TENM4: variants seen among roughly 807,000 people sequenced by gnomAD.
The protein encoded by TENM4 is teneurin transmembrane protein 4.
In TENM4, 82 loss-of-function variants were observed where a neutral mutation model predicts 243.3. The observed-to-expected ratio is 0.34, with a 90% CI of 0.28 to 0.40. The LOEUF is 0.40. Ranked by LOEUF, TENM4 falls within the 10% of genes least tolerant of loss-of-function variation. The pLI is 1.00. For synonymous variants in TENM4, 1,412 were observed against 1,456.3 expected, an observed-to-expected ratio of 0.97 and a Z score of 0.69; for missense variants, 3,138 against 3,673.3, an observed-to-expected ratio of 0.85 and a Z score of 3.77.
intron 1 of TENM4, among the ~76,000 whole-genome samples, chr11:79,350,733 C>T (rs149462240): frequency 6.6e-6 from 1 of 152,088 alleles, no homozygotes; most frequent in Non-Finnish European, 1.5e-5. Context: ...AGTCACCACT[C>T]CTGGCCCTGT....
At chr11:78,923,773 C>T (rs1371028249) in intron 6 of TENM4, among the ~76,000 whole-genome samples, 1 of 140,092 alleles carries the variant, frequency 7.1e-6, no homozygotes, top group African/African-American at 2.6e-5. Flanking sequence ...CTCCTGACCT[C>T]AAGTGATCTG....
chr11:79,169,783 C>A (rs749958765), intron 3 of TENM4, among the ~76,000 whole-genome samples: 3 of 152,210 alleles, frequency 2.0e-5, no homozygotes, highest in Non-Finnish European at 2.9e-5. Flanking sequence ...AAAAGCCAAA[C>A]AGGTTTTGAG....
At chr11:79,352,489 C>CT (rs1857430329) in intron 1 of TENM4, among the ~76,000 whole-genome samples, 1 of 152,254 alleles carries the variant, frequency 6.6e-6, no homozygotes, top group Non-Finnish European at 1.5e-5. Flanking sequence ...ACACCACTGC[C>CT]TGGGTGACAT....
At chr11:78,943,648 G>A (rs1856950637) in intron 6 of TENM4, among the ~76,000 whole-genome samples, 1 of 152,118 alleles carries the variant, frequency 6.6e-6, no homozygotes, top group African/African-American at 2.4e-5. Flanking sequence ...GTAGGGAAAT[G>A]TACCTAGATC....
At chr11:78,883,256 T>G (rs556353140) in intron 9 of TENM4, among the ~76,000 whole-genome samples, 3 of 147,636 alleles carry the variant, frequency 2.0e-5, no homozygotes, top group African/African-American at 8.0e-5. Context: ...TCCTCCCACT[T>G]TGCGTTTTTC....
chr11:78,677,628 T>C (rs1436952026), intron 29 of TENM4, among the ~76,000 whole-genome samples: 1 of 149,366 alleles, frequency 6.7e-6, no homozygotes, highest in East Asian at 1.9e-4. Flanking sequence ...AAAATAACTT[T>C]GACACTTAAA....
intron 4 of TENM4, among the ~76,000 whole-genome samples, chr11:79,087,801 C>T (rs1030868588): frequency 1.3e-5 from 2 of 152,180 alleles, no homozygotes; most frequent in Non-Finnish European, 2.9e-5. Flanking sequence ...CTGAGGAGGC[C>T]CTGTTTGCCT....
intron 1 of TENM4, among the ~76,000 whole-genome samples, chr11:79,354,254 A>G (rs984843576): frequency 1.3e-4 from 20 of 152,230 alleles, no homozygotes; most frequent in African/African-American, 4.8e-4. Context: ...CCAGGACAGG[A>G]CACGGAGATC....
At chr11:79,163,922 CCATATATAT>C (rs1242272623) in intron 3 of TENM4, among the ~76,000 whole-genome samples, 1 of 137,822 alleles carries the variant, frequency 7.3e-6, no homozygotes, top group Non-Finnish European at 1.5e-5. Context: ...AGGTATATAT[CCATATATAT>C]CATATATATC....
chr11:79,252,382 T>C (rs998000195), intron 2 of TENM4, among the ~76,000 whole-genome samples: 1 of 152,108 alleles, frequency 6.6e-6, no homozygotes, highest in Non-Finnish European at 1.5e-5. Context: ...TTACAGGCGC[T>C]CACCACCACA....
intron 11 of TENM4, 27 bp downstream of exon 11, chr11:78,855,937 C>T: frequency 1.3e-6 from 2 of 1,548,452 alleles, no homozygotes; most frequent in Non-Finnish European, 1.7e-6. Flanking sequence ...CCATGCAGAT[C>T]AACAGGGTAT....
chr11:78,879,832 G>A (rs1859382601), intron 9 of TENM4, among the ~76,000 whole-genome samples: 1 of 151,462 alleles, frequency 6.6e-6, no homozygotes, highest in Non-Finnish European at 1.5e-5. Context: ...GAGGTGAGGA[G>A]CACCTCTGCC....
At chr11:78,671,781 T>A (rs1489592966) in intron 31 of TENM4, among the ~76,000 whole-genome samples, 1 of 152,138 alleles carries the variant, frequency 6.6e-6, no homozygotes. Context: ...ATCCAGTGAG[T>A]ATTTGGGCCT....
chr11:79,123,500 A>G (rs1050877524), intron 4 of TENM4, among the ~76,000 whole-genome samples: 1 of 152,170 alleles, frequency 6.6e-6, no homozygotes, highest in Admixed American at 6.5e-5. Flanking sequence ...TTAAACTGCC[A>G]AAAGTACACT....
intron 14 of TENM4, among the ~76,000 whole-genome samples, 192 bp downstream of exon 14, chr11:78,811,930 A>T (rs761914917): frequency 2.0e-5 from 3 of 152,196 alleles, no homozygotes; most frequent in Non-Finnish European, 4.4e-5. Flanking sequence ...CCCTTCATTG[A>T]CCAGGACTCC....
chr11:78,910,673 AT>A (rs1856165179), intron 6 of TENM4, among the ~76,000 whole-genome samples: 1 of 152,242 alleles, frequency 6.6e-6, no homozygotes, highest in African/African-American at 2.4e-5. Context: ...AACAATCAGT[AT>A]TATTGTTACC....
At chr11:78,970,797 G>A (rs946227064) in intron 6 of TENM4, among the ~76,000 whole-genome samples, 2 of 152,156 alleles carry the variant, frequency 1.3e-5, no homozygotes, top group African/African-American at 4.8e-5. Flanking sequence ...TTACAATGGA[G>A]AGTCAGATTC....
At chr11:79,282,056 C>A (rs1469513861) in intron 2 of TENM4, among the ~76,000 whole-genome samples, 1 of 152,170 alleles carries the variant, frequency 6.6e-6, no homozygotes, top group African/African-American at 2.4e-5. Flanking sequence ...TTCCTCTGAA[C>A]ATGTAAAGAT....
At chr11:79,365,244 T>G (rs1444097496) in intron 1 of TENM4, among the ~76,000 whole-genome samples, 1 of 152,202 alleles carries the variant, frequency 6.6e-6, no homozygotes, top group Non-Finnish European at 1.5e-5. Flanking sequence ...CCCTTTGTTG[T>G]GACAACTTTC....
Sources: gnomAD v4.1 joint callset for allele counts (sites outside exome capture counted in the v4.1 genomes callset) on GRCh38, gnomAD v4.1.1 for gene constraint, MANE v1.5 for transcripts, NCBI Gene and HGNC (gene_info 2026-07-23, HGNC 2026-07-21) for gene names.